The following TLN2 variants were observed in gnomAD, a reference collection of about 807,000 sequenced individuals.
TLN2 encodes the protein talin-2.
A neutral mutation model predicts 294.7 loss-of-function variants in TLN2; 118 were observed. The ratio of observed to expected loss-of-function variants is 0.40; its 90% CI spans 0.34 to 0.47. The LOEUF (loss-of-function observed/expected upper bound fraction) is 0.47, where lower values mean the gene tolerates loss of function less well. Ranked by LOEUF, TLN2 falls within the 20% of genes least tolerant of loss-of-function variation. TLN2 has a pLI of 0.84. For missense variants in TLN2, 3,083 were observed against 3,282.2 expected (o/e 0.94, Z 1.48); for synonymous variants, 1,431 against 1,304.5 (o/e 1.10, Z -2.09).
At chr15:62,421,798 T>G (rs1211457145) in intron 1 of TLN2, among the ~76,000 whole-genome samples, 1 of 152,008 alleles carries the variant, frequency 6.6e-6, no homozygotes, top group African/African-American at 2.4e-5. Context: ...AATTTGCACA[T>G]GTAACCCTGA....
At chr15:62,638,114 A>T (rs985418202) in intron 3 of TLN2, 1 of 163,594 alleles carries the variant, frequency 6.1e-6, no homozygotes, top group African/African-American at 2.4e-5. Context: ...AGGCAAAATC[A>T]TAAAGCTGTG....
chr15:62,718,299 A>G (rs989878952), intron 24 of TLN2, among the ~76,000 whole-genome samples: 2 of 152,224 alleles, frequency 1.3e-5, no homozygotes, highest in African/African-American at 4.8e-5. Context: ...GGTGGCAGAC[A>G]CAAAGTCCAG....
intron 55 of TLN2, chr15:62,835,293 C>A (rs1256328560): frequency 2.2e-5 from 4 of 185,464 alleles, no homozygotes; most frequent in Non-Finnish European, 1.1e-5. Flanking sequence ...TTTTTAACAT[C>A]ATCTGCCAGA....
intron 1 of TLN2, among the ~76,000 whole-genome samples, chr15:62,561,886 G>T (rs2119696): frequency 2.6e-5 from 4 of 151,404 alleles, no homozygotes; most frequent in African/African-American, 7.3e-5. Context: ...ATTTTAACAT[G>T]CTCTCCTCAC....
intron 1 of TLN2, among the ~76,000 whole-genome samples, chr15:62,436,544 T>C (rs2035295598): frequency 6.6e-6 from 1 of 152,148 alleles, no homozygotes; most frequent in Admixed American, 6.5e-5. Context: ...GAAAGCTGCC[T>C]AGGGAAAGCC....
chr15:62,800,264 C>G, intron 48 of TLN2, 104 bp from the exon 49 acceptor site: 1 of 1,509,094 alleles, frequency 6.6e-7, no homozygotes, highest in Admixed American at 2.1e-5. Flanking sequence ...GACTGTCTTT[C>G]TCTCCTCCCC....
At chr15:62,492,543 C>CAA (rs35935035) in intron 1 of TLN2, among the ~76,000 whole-genome samples, 4,353 of 84,394 alleles carry the variant, frequency 0.052, 98 homozygotes, top group Non-Finnish European at 0.062. Context: ...GACTCTGTCT[C>CAA]AAAAAAAAAA....
At chr15:62,554,630 T>A (rs1414339588) in intron 1 of TLN2, among the ~76,000 whole-genome samples, 1 of 151,948 alleles carries the variant, frequency 6.6e-6, no homozygotes, top group Non-Finnish European at 1.5e-5. Flanking sequence ...AAAAATACAC[T>A]TTTACCAAGG....
intron 1 of TLN2, among the ~76,000 whole-genome samples, chr15:62,537,099 A>G (rs1301958184): frequency 1.3e-5 from 2 of 151,844 alleles, no homozygotes; most frequent in Non-Finnish European, 2.9e-5. Context: ...GCTCACTGCA[A>G]GCTCCGCCTC....
chr15:62,603,831 T>A (rs77029013), intron 2 of TLN2, among the ~76,000 whole-genome samples: 3,084 of 152,334 alleles, frequency 0.02, 59 homozygotes, highest in South Asian at 0.069. Flanking sequence ...CTGTTAGATA[T>A]TTTGATGACC....
chr15:62,711,710 G>A (rs570961686), intron 21 of TLN2, among the ~76,000 whole-genome samples: 28 of 152,310 alleles, frequency 1.8e-4, no homozygotes, highest in Admixed American at 1.6e-3. Context: ...CTGTGTTTGG[G>A]GAGCCGCATC....
intron 3 of TLN2, among the ~76,000 whole-genome samples, chr15:62,639,102 A>G (rs1403478244): frequency 1.3e-5 from 2 of 152,160 alleles, no homozygotes; most frequent in African/African-American, 2.4e-5. Context: ...TAGAGCACCT[A>G]CTGTATAGTG....
chr15:62,659,288 C>T (rs1006599000), intron 9 of TLN2, among the ~76,000 whole-genome samples: 6 of 152,216 alleles, frequency 3.9e-5, no homozygotes, highest in African/African-American at 1.2e-4. Context: ...CAAATAGCTT[C>T]TGACTTCTAA....
At chr15:62,714,893 G>T (rs1309946024) in intron 22 of TLN2, among the ~76,000 whole-genome samples, 1 of 152,196 alleles carries the variant, frequency 6.6e-6, no homozygotes, top group Non-Finnish European at 1.5e-5. Flanking sequence ...AGTGTGAAGT[G>T]CAGAAGTGCT....
intron 1 of TLN2, among the ~76,000 whole-genome samples, chr15:62,502,231 A>C (rs774853976): frequency 4.6e-5 from 7 of 152,192 alleles, no homozygotes; most frequent in Non-Finnish European, 8.8e-5. Flanking sequence ...CAAAATATGT[A>C]TTGTTTTTCT....
At chr15:62,664,725 G>A (rs1450277105) in intron 9 of TLN2, among the ~76,000 whole-genome samples, 1 of 151,612 alleles carries the variant, frequency 6.6e-6, no homozygotes, top group Non-Finnish European at 1.5e-5. Context: ...GGGCGTGATG[G>A]TGCATGCCTG....
At chr15:62,820,738 C>G (rs1404285174) in intron 54 of TLN2, 128 bp downstream of exon 54, 2 of 1,238,768 alleles carry the variant, frequency 1.6e-6, no homozygotes, top group African/African-American at 3.0e-5. Flanking sequence ...AAGCAGAAAA[C>G]CGGATCTACC....
Position 62,819,605 on chromosome 15 carries a change from G to C in TLN2, c.6861G>C (p.Ala2287=). ...GCGCTGTGACAGAGCTCATCCAGGC[G>C]GCGGAAGCCATGAAAGGTAGGCTGG... The part of the protein sequence containing the change: ...VAGAVTELIQ[A]AEAMKGTEWV... Residue 2287 remains alanine, a synonymous_variant, in exon 53 of 59, where the codon GCG becomes GCC. Transcript: ENST00000636159. 3 of 1,611,190 alleles carry C rather than the reference G, an allele frequency of 1.9e-6. No homozygotes were observed. The highest frequency in any genetic ancestry group is 2.5e-6 in the Non-Finnish European group (3 of 1,179,978).
chr15:62,746,204 A>G (rs1161607432), intron 32 of TLN2, among the ~76,000 whole-genome samples: 2 of 152,210 alleles, frequency 1.3e-5, no homozygotes, highest in East Asian at 3.8e-4. Context: ...ATTAAGCTAA[A>G]TAGAAAGTTT....
Sources: allele counts gnomAD v4.1 joint callset (sites outside exome capture counted in the v4.1 genomes callset), GRCh38; gene constraint gnomAD v4.1.1; transcripts MANE v1.5; gene names NCBI Gene and HGNC (gene_info 2026-07-23, HGNC 2026-07-21).